CACNA1A: variants seen among roughly 807,000 people sequenced by gnomAD.
CACNA1A encodes voltage-dependent P/Q-type calcium channel subunit alpha-1A.
CACNA1A carries 57 observed loss-of-function variants against 262.4 expected under a neutral mutation model. The observed-to-expected ratio is 0.22, with a 90% CI of 0.18 to 0.27. The LOEUF (loss-of-function observed/expected upper bound fraction) is 0.27. Ranked by LOEUF, CACNA1A falls within the 10% of genes least tolerant of loss-of-function variation. The pLI, the probability that CACNA1A is intolerant of heterozygous loss-of-function variation, is 1.00. For missense variants in CACNA1A, 2,526 were observed against 3,562.8 expected, an observed-to-expected ratio of 0.71 and a Z score of 7.41; for synonymous variants, 1,431 against 1,419.3, an observed-to-expected ratio of 1.01 and a Z score of -0.18.
Position 13,303,788 on chromosome 19 carries a change from C to T in CACNA1A, c.2083G>A (p.Val695Ile), listed in dbSNP as rs1304313560. Reference protein sequence around the residue: ...GGMVFSIYFIVLTLFGNYTLL... With the variant: ...GGMVFSIYFIILTLFGNYTLL... The stretch of plus-strand genomic sequence containing the variant: ...ATACAGTTCCCAAAGAGCGTCAGTA[C>T]AATGAAATAGATGGAGAACACCATG... The change falls in exon 16 of 47, where the codon GTA becomes ATA. Residue 695 changes from valine to isoleucine, a missense_variant. Physicochemically the swap from Val to Ile is conservative, Grantham distance 29. Coordinates refer to ENST00000360228, the MANE Select transcript of CACNA1A (RefSeq NM_001127222.2). 1 of 1,612,414 alleles carries T rather than the reference C, an allele frequency of 6.2e-7. No individual in the cohort carries two copies. Among genetic ancestry groups the T allele is most frequent in the Non-Finnish European group, 8.5e-7 (1 of 1,178,544 alleles).
intron 3 of CACNA1A, among the ~76,000 whole-genome samples, chr19:13,442,917 C>T (rs372904275): frequency 1.3e-5 from 2 of 152,158 alleles, no homozygotes; most frequent in East Asian, 1.9e-4. Flanking sequence ...AGAGAAATAG[C>T]GTAGGATTCA....
chr19:13,294,804 T>C (rs571404112), intron 19 of CACNA1A, among the ~76,000 whole-genome samples: 10 of 152,256 alleles, frequency 6.6e-5, no homozygotes, highest in African/African-American at 1.4e-4. Context: ...TGGCTCTTCA[T>C]TGGTCTTTAC....
At chr19:13,396,633 G>C (rs530602666) in intron 3 of CACNA1A, among the ~76,000 whole-genome samples, 8 of 152,326 alleles carry the variant, frequency 5.3e-5, no homozygotes, top group African/African-American at 1.7e-4. Flanking sequence ...CGTGTGGCTA[G>C]TGGCTATCCT....
intron 38 of CACNA1A, among the ~76,000 whole-genome samples, chr19:13,220,125 G>T (rs1426069745): frequency 6.6e-6 from 1 of 152,078 alleles, no homozygotes. Flanking sequence ...GCTGGGCGTG[G>T]TGGTGGGCAC....
chr19:13,378,301 A>G (rs1311065821), intron 3 of CACNA1A, among the ~76,000 whole-genome samples: 2 of 152,224 alleles, frequency 1.3e-5, no homozygotes, highest in Non-Finnish European at 2.9e-5. Flanking sequence ...TTCTGTGAAC[A>G]CTGTTAAAAT....
chr19:13,208,913 C>G lies in CACNA1A; in HGVS notation c.6623G>C (p.Arg2208Pro). 1 of 1,536,724 alleles carries G rather than the reference C, an allele frequency of 6.5e-7. No homozygotes were observed. Among genetic ancestry groups the G allele is most frequent in the Non-Finnish European group, 8.7e-7 (1 of 1,146,798 alleles). Residue 2208 changes from arginine to proline, a missense_variant, in exon 46 of 47, where the codon CGA (arginine) becomes CCA (proline). Coordinates refer to ENST00000360228, the MANE Select transcript of CACNA1A (RefSeq NM_001127222.2). ...ERGRPKDRKH[R>P]QHHHHHHHHH... is the part of the protein sequence containing the mutation. ...GTGGTGGTGGTGGTGGTGGTGCTGT[C>G]GATGCTTCCGATCCTTGGGCCGGCC...
chr19:13,375,328 G>A (rs149908575), intron 3 of CACNA1A, among the ~76,000 whole-genome samples: 9 of 152,084 alleles, frequency 5.9e-5, no homozygotes, highest in East Asian at 3.9e-4. Flanking sequence ...CATCTCTCCC[G>A]CTTTCCTTGG....
intron 28 of CACNA1A, 73 bp from the exon 29 acceptor site, chr19:13,255,332 C>G (rs1484682877): frequency 3.6e-5 from 51 of 1,407,568 alleles, no homozygotes; most frequent in Non-Finnish European, 4.7e-5. Flanking sequence ...CACCCTCTGT[C>G]TAACTCGTCG....
intron 38 of CACNA1A, among the ~76,000 whole-genome samples, chr19:13,222,699 C>CTT (rs536350776): frequency 1.4e-5 from 2 of 142,886 alleles, no homozygotes; most frequent in Non-Finnish European, 3.1e-5. Context: ...CCGGCCTCAG[C>CTT]TTTTTTTTTT....
In CACNA1A at chr19:13,506,260, G is replaced by C; in HGVS notation, c.-36C>G. On this transcript the variant is annotated 5_prime_UTR_variant, in exon 1 of 47. Coordinates refer to ENST00000360228, the MANE Select transcript of CACNA1A (RefSeq NM_001127222.2). The stretch of plus-strand genomic sequence containing the variant: ...GCAAAGGGCTCCGGGTTACGCTGCG[G>C]CGAACGATGCGGAAGACGCCGCCGC... 7.1e-7 allele frequency: 1 copy of C among 1,410,286 alleles called. No individual in the cohort carries two copies. Among genetic ancestry groups the C allele is most frequent in the South Asian group, 1.6e-5 (1 of 62,736 alleles). 87.4% of individuals were successfully genotyped at this position (1,410,286 alleles called of 1,614,324 possible). A position where few individuals can be genotyped will look rare whatever the true frequency, so the allele number is the denominator to read the frequency against.
chr19:13,308,523 G>T lies in CACNA1A; in HGVS notation c.1674C>A (p.Ile558=). 1 of 1,603,632 alleles carries T rather than the reference G, an allele frequency of 6.2e-7. No individual in the cohort carries two copies. Among genetic ancestry groups the T allele is most frequent in the Non-Finnish European group, 8.5e-7 (1 of 1,171,800 alleles). ...SSFNCFDCGV[I]IGSIFEVIWA... is the part of the protein sequence containing the mutation. Reference sequence around the variant, plus strand: ...AGATGACCTCGAAGATGCTCCCAATGATAACCTAGGGCAGAGAACCTGGTC... The same window carrying T: ...AGATGACCTCGAAGATGCTCCCAATTATAACCTAGGGCAGAGAACCTGGTC... The change falls in exon 13 of 47, where the codon ATC becomes ATA. Residue 558 remains isoleucine, a synonymous_variant. Transcript: ENST00000360228. The surrounding 1 kb of genome is among the most constrained non-coding windows in gnomAD (Gnocchi z 4.2).
intron 2 of CACNA1A, among the ~76,000 whole-genome samples, chr19:13,453,299 C>T (rs573283242): frequency 2.0e-5 from 3 of 152,254 alleles, no homozygotes; most frequent in East Asian, 1.9e-4. Context: ...TTATTCAATA[C>T]GACAGTCACA....
At chr19:13,455,719 G>A (rs968598405) in intron 1 of CACNA1A, among the ~76,000 whole-genome samples, 6 of 151,880 alleles carry the variant, frequency 4.0e-5, no homozygotes, top group Admixed American at 2.6e-4. Flanking sequence ...CAAATATGGT[G>A]GCAGGGCCAG....
intron 1 of CACNA1A, among the ~76,000 whole-genome samples, chr19:13,490,821 A>G (rs991474344): frequency 2.0e-5 from 3 of 149,962 alleles, no homozygotes; most frequent in South Asian, 4.3e-4. Context: ...GGAAGGAAAG[A>G]AAGGAAGGAA....
chr19:13,219,341 C>T (rs2055136681), intron 38 of CACNA1A, among the ~76,000 whole-genome samples: 1 of 152,114 alleles, frequency 6.6e-6, no homozygotes, highest in South Asian at 2.1e-4. Flanking sequence ...CGTGCCCGGC[C>T]CTTTGCAGAT....
At chr19:13,324,335 TTG>T (rs2058311239) in intron 10 of CACNA1A, among the ~76,000 whole-genome samples, 1 of 152,178 alleles carries the variant, frequency 6.6e-6, no homozygotes, top group African/African-American at 2.4e-5. Context: ...TTGCATTGCA[TTG>T]CATCGCATTT....
chr19:13,446,560 G>A (rs1332579828), intron 3 of CACNA1A, among the ~76,000 whole-genome samples: 5 of 146,978 alleles, frequency 3.4e-5, no homozygotes, highest in Non-Finnish European at 7.4e-5. Flanking sequence ...TGCTGCCTCA[G>A]CCTCCCAAAT....
At chr19:13,267,300 C>T (rs1053620791) in intron 24 of CACNA1A, among the ~76,000 whole-genome samples, 1 of 152,188 alleles carries the variant, frequency 6.6e-6, no homozygotes, top group South Asian at 2.1e-4. Context: ...CCCCGAGTCC[C>T]GCCCGGGCAG....
At chr19:13,494,332 T>C (rs1001918364) in intron 1 of CACNA1A, among the ~76,000 whole-genome samples, 7 of 152,210 alleles carry the variant, frequency 4.6e-5, no homozygotes, top group African/African-American at 1.7e-4. Context: ...GATAGGCCTC[T>C]TGGAGGAGGT....
Sources: gnomAD v4.1 joint callset for allele counts (sites outside exome capture counted in the v4.1 genomes callset) on GRCh38, gnomAD v4.1.1 for gene constraint, Gnocchi (gnomAD v3.1) non-coding constraint, MANE v1.5 for transcripts, NCBI Gene and HGNC (gene_info 2026-07-23, HGNC 2026-07-21) for gene names.